DYNC2I2: variants seen among roughly 807,000 people sequenced by gnomAD.
DYNC2I2 encodes dynein 2 intermediate chain 2, also known as cytoplasmic dynein 2 intermediate chain 2.
A neutral mutation model predicts 52.0 loss-of-function variants in DYNC2I2; 39 were observed. The ratio of observed to expected loss-of-function variants is 0.75; its 90% CI spans 0.58 to 0.98. DYNC2I2 has a LOEUF of 0.98. DYNC2I2 is among the 50% of genes least tolerant of loss of function. The pLI is 0.00. For synonymous variants in DYNC2I2, 359 were observed against 321.1 expected (o/e 1.12, Z -1.26); for missense variants, 743 against 728.4 (o/e 1.02, Z -0.23).
the DYNC2I2 span, among the ~76,000 whole-genome samples, chr9:128,664,548 G>C: frequency 6.6e-6 from 1 of 150,818 alleles, no homozygotes; most frequent in Non-Finnish European, 1.5e-5. Flanking sequence ...GAAGTGTCGC[G>C]ATCCTGGCTC....
chr9:128,641,730 C>T (rs1042697691), intron 1 of DYNC2I2, among the ~76,000 whole-genome samples: 6 of 152,046 alleles, frequency 3.9e-5, no homozygotes, highest in South Asian at 4.1e-4. Context: ...CCATCTCATG[C>T]GGGATTCGAG....
chr9:128,664,731 C>T, the DYNC2I2 span, among the ~76,000 whole-genome samples: 5 of 151,212 alleles, frequency 3.3e-5, no homozygotes, highest in South Asian at 4.2e-4. Flanking sequence ...GTGATCCACC[C>T]GCCTCAGCCT....
rs1308508874 is a variant in DYNC2I2, at chr9:128,656,667, C to T, written c.60G>A (p.Ala20=). Reference sequence around the variant, plus strand: ...CGCTCGCAACCCCGACTGTCGCCAGCGCCGCAACACCAGCGCTTCCCGCCT... The same window carrying T: ...CGCTCGCAACCCCGACTGTCGCCAGTGCCGCAACACCAGCGCTTCCCGCCT... ...LSQAGSAGVA[A]LATVGVASGP... The change falls in exon 1 of 9, where the codon GCG becomes GCA. Residue 20 remains alanine (A), a synonymous_variant. Coordinates refer to ENST00000372715, the MANE Select transcript of DYNC2I2 (RefSeq NM_052844.4). 2 of 1,510,184 alleles carry T rather than the reference C, an allele frequency of 1.3e-6. No individual in the cohort carries two copies. The highest frequency in any genetic ancestry group is 1.4e-5 in the African/African-American group (1 of 69,372). 93.5% of individuals were successfully genotyped at this position (1,510,184 alleles called of 1,614,324 possible).
rs1311661202 is a variant in DYNC2I2, at chr9:128,633,818, T to TC, written c.1536dup (p.Ser513GlufsTer13). The TC allele has an allele frequency of 6.2e-7, 1 of 1,613,460 alleles. No individual in the cohort carries two copies. The highest frequency in any genetic ancestry group is 8.5e-7 in the Non-Finnish European group (1 of 1,180,038). On this transcript the variant is annotated frameshift_variant, in exon 9 of 9. Coordinates refer to ENST00000372715, the MANE Select transcript of DYNC2I2 (RefSeq NM_052844.4). LOFTEE classifies it high-confidence loss of function. The stretch of plus-strand genomic sequence containing the variant: ...GGCCCTTGTTCCGTGAACTCTGTGC[T>TC]CAGCTGCCACACCTTCACTGTGCCC...
At chr9:128,655,325 C>A (rs1220008490) in intron 1 of DYNC2I2, among the ~76,000 whole-genome samples, 1 of 23,180 alleles carries the variant, frequency 4.3e-5, no homozygotes, top group African/African-American at 7.9e-5. Flanking sequence ...CGGTGAAACC[C>A]CGTCTCTACT....
At chr9:128,683,489 A>T in the DYNC2I2 span, 2 of 216,038 alleles carry the variant, frequency 9.3e-6, no homozygotes, top group Non-Finnish European at 1.8e-5. Context: ...AGGCCAAAGG[A>T]AAAAAAAAAG....
chr9:128,648,765 A>G (rs537287977), intron 1 of DYNC2I2, among the ~76,000 whole-genome samples: 11 of 150,998 alleles, frequency 7.3e-5, no homozygotes, highest in Non-Finnish European at 1.2e-4. Flanking sequence ...GTGCCACTGC[A>G]CTACAGCCTG....
At chr9:128,678,402 A>C in the DYNC2I2 span, among the ~76,000 whole-genome samples, 1 of 149,220 alleles carries the variant, frequency 6.7e-6, no homozygotes, top group Non-Finnish European at 1.5e-5. Flanking sequence ...GGTGCAAAAA[A>C]ACTTAATTTT....
chr9:128,635,973 T>C (rs1860401385), intron 4 of DYNC2I2: 1 of 670,554 alleles, frequency 1.5e-6, no homozygotes, highest in Non-Finnish European at 2.6e-6. Context: ...ACCCCTGCCC[T>C]GCACCTGGCA....
Position 128,634,503 on chromosome 9 carries a change from G to A in DYNC2I2, c.1215-120C>T. The stretch of plus-strand genomic sequence containing the variant: ...CGTGAAGAGCCTCCCGGGTCCCTCA[G>A]CCTGGAGTTGGTCCTCTCATTAGAG... On this transcript the variant is annotated intron_variant, in intron 7 of 8. Coordinates refer to ENST00000372715, the MANE Select transcript of DYNC2I2 (RefSeq NM_052844.4). 3 of 1,383,642 alleles carry A rather than the reference G, an allele frequency of 2.2e-6. No individual in the cohort carries two copies. In the East Asian group the frequency reaches 7.3e-5, roughly 33 times the overall value. The allele number at this position is 1,383,642 out of a possible 1,614,324, so 85.7% of individuals were successfully genotyped here. A position where few individuals can be genotyped will look rare whatever the true frequency, so the allele number is the denominator to read the frequency against.
chr9:128,671,152 T>C, the DYNC2I2 span, among the ~76,000 whole-genome samples: 3 of 151,374 alleles, frequency 2.0e-5, no homozygotes, highest in Non-Finnish European at 2.9e-5. Flanking sequence ...CATGAAGAAC[T>C]TCGGCTGGGC....
intron 2 of DYNC2I2, among the ~76,000 whole-genome samples, chr9:128,638,289 C>T (rs1022063488): frequency 1.4e-4 from 21 of 151,322 alleles, no homozygotes; most frequent in African/African-American, 5.1e-4. Flanking sequence ...GAGGCGGAGG[C>T]GGGCGGATCA....
rs962402379 is a variant in DYNC2I2, at chr9:128,634,551, C to G, written c.1214+138G>C. On this transcript the variant is annotated intron_variant, in intron 7 of 8. Coordinates refer to ENST00000372715, the MANE Select transcript of DYNC2I2 (RefSeq NM_052844.4). ...GAGAAGGGACGATGCCTGGGCCAAC[C>G]ACCAAAGACCTGAACACGGGTCTCA... 16 of 1,277,590 alleles carry G rather than the reference C, an allele frequency of 1.3e-5. No homozygotes were observed. The Admixed American group carries it at 1.7e-4, about 14-fold the overall frequency. The allele number at this position is 1,277,590 out of a possible 1,614,324, so 79.1% of individuals were successfully genotyped here. A position where few individuals can be genotyped will look rare whatever the true frequency, so the allele number is the denominator to read the frequency against.
intron 1 of DYNC2I2, among the ~76,000 whole-genome samples, chr9:128,644,269 G>A (rs113797933): frequency 2.6e-3 from 218 of 84,394 alleles, no homozygotes; most frequent in African/African-American, 9.2e-3. Context: ...CTTGAACCCA[G>A]GCGGCCTTTT....
the DYNC2I2 span, among the ~76,000 whole-genome samples, chr9:128,672,222 G>A: frequency 1.3e-5 from 2 of 151,466 alleles, no homozygotes; most frequent in African/African-American, 4.9e-5. Flanking sequence ...CGCCCGTCTC[G>A]GCCTCCCAAA....
intron 1 of DYNC2I2, among the ~76,000 whole-genome samples, chr9:128,649,358 C>A (rs1005075123): frequency 6.6e-6 from 1 of 151,962 alleles, no homozygotes; most frequent in Non-Finnish European, 1.5e-5. Flanking sequence ...GTGGGAGGAT[C>A]GCTTAAGCTC....
At chr9:128,679,643 G>GT in the DYNC2I2 span, among the ~76,000 whole-genome samples, 103 of 146,964 alleles carry the variant, frequency 7.0e-4, no homozygotes, top group African/African-American at 1.0e-3. Context: ...TTTGTTTTTT[G>GT]TTTTTTTTTG....
upstream of DYNC2I2, among the ~76,000 whole-genome samples, chr9:128,657,343 C>CTG (rs1860851970): frequency 6.6e-6 from 1 of 152,106 alleles, no homozygotes; most frequent in African/African-American, 2.4e-5. Flanking sequence ...AATGTGCCTA[C>CTG]TGTGTGTCAG....
the DYNC2I2 span, among the ~76,000 whole-genome samples, chr9:128,675,151 G>A: frequency 2.0e-5 from 3 of 152,178 alleles, no homozygotes; most frequent in African/African-American, 4.8e-5. Flanking sequence ...TTTAGGGCAA[G>A]TTATGCCTTT....
Sources: allele counts gnomAD v4.1 joint callset (sites outside exome capture counted in the v4.1 genomes callset), GRCh38; gene constraint gnomAD v4.1.1; transcripts MANE v1.5; gene names NCBI Gene and HGNC (gene_info 2026-07-23, HGNC 2026-07-21).